IPCEF1: variants seen among roughly 807,000 people sequenced by gnomAD.
The protein encoded by IPCEF1 is interaction protein for cytohesin exchange factors 1.
In IPCEF1, 31 loss-of-function variants were observed where a neutral mutation model predicts 50.9. The observed-to-expected ratio is 0.61, with a 90% CI of 0.46 to 0.82. The LOEUF is 0.82. Ranked by LOEUF, IPCEF1 falls within the 40% of genes least tolerant of loss-of-function variation. IPCEF1 has a pLI of 0.00. For missense variants in IPCEF1, 458 were observed against 514.0 expected (o/e 0.89, Z 1.05); for synonymous variants, 181 against 192.0 (o/e 0.94, Z 0.47).
intron 2 of IPCEF1, among the ~76,000 whole-genome samples, chr6:154,266,998 A>G (rs1225727078): frequency 1.3e-5 from 2 of 152,142 alleles, no homozygotes; most frequent in South Asian, 2.1e-4. Flanking sequence ...GAGGTCCCCA[A>G]ATTCTGAGTA....
chr6:154,279,558 G>T (rs1229753853), intron 2 of IPCEF1, among the ~76,000 whole-genome samples: 1 of 152,090 alleles, frequency 6.6e-6, no homozygotes, highest in African/African-American at 2.4e-5. Context: ...TTTCAAATAG[G>T]GGTCAAGTTT....
intron 2 of IPCEF1, among the ~76,000 whole-genome samples, chr6:154,283,389 G>A (rs895221072): frequency 6.6e-6 from 1 of 150,792 alleles, no homozygotes; most frequent in African/African-American, 2.4e-5. Flanking sequence ...AAGGTCAGGA[G>A]ATCATGACCA....
chr6:154,258,577 C>G (rs1421248331), intron 3 of IPCEF1, among the ~76,000 whole-genome samples: 13 of 152,144 alleles, frequency 8.5e-5, no homozygotes, highest in Admixed American at 8.5e-4. Context: ...TTGCCCTTTC[C>G]CCTCTCCTAC....
At chr6:154,225,389 T>C (rs1420260518) in intron 5 of IPCEF1, among the ~76,000 whole-genome samples, 1 of 152,234 alleles carries the variant, frequency 6.6e-6, no homozygotes, top group African/African-American at 2.4e-5. Context: ...GCTGTATCTA[T>C]ACAATGGGAT....
At chr6:154,346,809 C>A (rs191788033) in intron 1 of IPCEF1, among the ~76,000 whole-genome samples, 143 of 152,324 alleles carry the variant, frequency 9.4e-4, no homozygotes, top group Non-Finnish European at 1.8e-3. Flanking sequence ...GGTCTAATCA[C>A]CTCCCACAAG....
At chr6:154,221,645 G>A (rs1368961027) in intron 6 of IPCEF1, among the ~76,000 whole-genome samples, 1 of 151,052 alleles carries the variant, frequency 6.6e-6, no homozygotes, top group Non-Finnish European at 1.5e-5. Context: ...AGGCCGAGGC[G>A]GGCAGATCAC....
At position 154,162,873 on chromosome 6, in the gene IPCEF1, A is replaced by G. The variant is rs117163508; in HGVS notation, c.1105-2833T>C. ...CCCTAAGAGGCATCTCAAAAATAAC[A>G]TATCTAAAGATAAGTTCCTCTTATT... On this transcript the variant is annotated intron_variant, in intron 11 of 11. Coordinates refer to ENST00000367220, the MANE Select transcript of IPCEF1 (RefSeq NM_001130700.2). 5.8e-3 allele frequency among the ~76,000 whole-genome samples: 886 copies of G among 152,228 alleles called. 4 individuals are homozygous for G. Among genetic ancestry groups the G allele is most frequent in the Non-Finnish European group, 9.1e-3 (621 of 68,002 alleles).
chr6:154,279,127 T>C (rs1043277375), intron 2 of IPCEF1, among the ~76,000 whole-genome samples: 1 of 105,468 alleles, frequency 9.5e-6, no homozygotes, highest in South Asian at 2.6e-4. Flanking sequence ...TGTCTCAAAA[T>C]AAAAAAAAAA....
At chr6:154,228,087 C>G (rs1402112587) in intron 5 of IPCEF1, among the ~76,000 whole-genome samples, 1 of 152,144 alleles carries the variant, frequency 6.6e-6, no homozygotes, top group African/African-American at 2.4e-5. Context: ...CTCCGCTTCT[C>G]CAGATCCCCT....
intron 1 of IPCEF1, among the ~76,000 whole-genome samples, chr6:154,301,033 A>G (rs1311949628): frequency 2.0e-5 from 3 of 152,232 alleles, no homozygotes; most frequent in African/African-American, 7.2e-5. Context: ...GCCACTTACT[A>G]AAGCATATTT....
At chr6:154,223,865 T>C (rs962150107) in intron 5 of IPCEF1, among the ~76,000 whole-genome samples, 1 of 152,248 alleles carries the variant, frequency 6.6e-6, no homozygotes, top group African/African-American at 2.4e-5. Context: ...AGTCCCATCA[T>C]TGATTTCTGG....
intron 10 of IPCEF1, among the ~76,000 whole-genome samples, chr6:154,171,336 A>T (rs1407854407): frequency 1.3e-5 from 2 of 152,194 alleles, no homozygotes; most frequent in Non-Finnish European, 2.9e-5. Context: ...GAACCTTGAA[A>T]ACATTTTGCT....
intron 1 of IPCEF1, among the ~76,000 whole-genome samples, chr6:154,291,842 G>A (rs552792169): frequency 1.2e-3 from 178 of 151,944 alleles, no homozygotes; most frequent in Admixed American, 3.4e-3. Context: ...CCACCACCAC[G>A]CCCGGCTAAT....
chr6:154,202,224 C>G (rs1777127546), intron 9 of IPCEF1, among the ~76,000 whole-genome samples: 1 of 152,122 alleles, frequency 6.6e-6, no homozygotes, highest in Non-Finnish European at 1.5e-5. Flanking sequence ...CATATCTTCT[C>G]AATAATCATA....
At chr6:154,214,366 A>G (rs1045820803) in intron 7 of IPCEF1, 90 bp from the exon 8 acceptor site, 1 of 896,066 alleles carries the variant, frequency 1.1e-6, no homozygotes, top group Non-Finnish European at 1.9e-6. Flanking sequence ...AAATTAGGTC[A>G]TGATTCTACC....
At chr6:154,177,566 A>T (rs2128563280) in intron 10 of IPCEF1, among the ~76,000 whole-genome samples, 1 of 152,376 alleles carries the variant, frequency 6.6e-6, no homozygotes, top group South Asian at 2.1e-4. Context: ...CATCAGAGAA[A>T]TGCAAATCAA....
At chr6:154,282,509 T>C (rs143111571) in intron 2 of IPCEF1, among the ~76,000 whole-genome samples, 6,078 of 151,892 alleles carry the variant, frequency 0.04, 253 homozygotes, top group African/African-American at 0.1. Context: ...GGTGAAACCC[T>C]ATCTCTACTA....
At chr6:154,278,762 G>A (rs1782130313) in intron 2 of IPCEF1, among the ~76,000 whole-genome samples, 1 of 151,902 alleles carries the variant, frequency 6.6e-6, no homozygotes, top group Admixed American at 6.6e-5. Flanking sequence ...AATCAAGATT[G>A]TCAGTATTTT....
intron 3 of IPCEF1, among the ~76,000 whole-genome samples, chr6:154,261,181 T>A (rs6919141): frequency 8.6e-5 from 13 of 151,938 alleles, no homozygotes; most frequent in Non-Finnish European, 1.8e-4. Context: ...ACTACAGACA[T>A]GAACCAATAC....
Sources: allele counts gnomAD v4.1 joint callset (sites outside exome capture counted in the v4.1 genomes callset), GRCh38; gene constraint gnomAD v4.1.1; transcripts MANE v1.5; gene names NCBI Gene and HGNC (gene_info 2026-07-23, HGNC 2026-07-21).